Variants in ZFHX4 observed in about 807,000 individuals in gnomAD.
ZFHX4 encodes zinc finger homeobox 4, also known as zinc finger homeobox protein 4.
ZFHX4 carries 56 observed loss-of-function variants against 267.6 expected under a neutral mutation model. The observed-to-expected ratio is 0.21, with a 90% CI of 0.17 to 0.26. The LOEUF (loss-of-function observed/expected upper bound fraction) is 0.26, where lower values mean the gene tolerates loss of function less well. ZFHX4 is among the 10% of genes least tolerant of loss of function. ZFHX4 has a pLI of 1.00. For missense variants in ZFHX4, 4,332 were observed against 4,420.0 expected (o/e 0.98, Z 0.56); for synonymous variants, 1,778 against 1,665.6 (o/e 1.07, Z -1.64).
rs1206677926 is a variant in ZFHX4, at chr8:76,863,581, T to G, written c.9867T>G (p.Pro3289=). 1 of 1,613,770 alleles carries G rather than the reference T, an allele frequency of 6.2e-7. No individual in the cohort carries two copies. The highest frequency in any genetic ancestry group is 8.5e-7 in the Non-Finnish European group (1 of 1,179,846). Residue 3289 remains proline (P), a synonymous_variant, in exon 11 of 11, where the codon CCT becomes CCG. Transcript: ENST00000651372. ...CAGTGCAGGGGGGATACTTCCCACC[T>G]GTCTGTGGCATGGAGAGCCTCTTTC... is the stretch of plus-strand genomic sequence containing the variant. The part of the protein sequence containing the change: ...PGTVQGGYFP[P]VCGMESLFPY...
At chr8:76,844,745 TA>T (rs1265943616) in intron 6 of ZFHX4, among the ~76,000 whole-genome samples, 1 of 152,082 alleles carries the variant, frequency 6.6e-6, no homozygotes, top group Non-Finnish European at 1.5e-5. Flanking sequence ...TCTGTAGGGA[TA>T]AAAAATAAGC....
At chr8:76,691,023 C>T (rs1453567236) in intron 1 of ZFHX4, among the ~76,000 whole-genome samples, 1 of 151,984 alleles carries the variant, frequency 6.6e-6, no homozygotes, top group East Asian at 1.9e-4. Flanking sequence ...GATTACCCAG[C>T]AAGGCAGGAA....
intron 5 of ZFHX4, among the ~76,000 whole-genome samples, chr8:76,842,321 T>A (rs1381129270): frequency 6.6e-6 from 1 of 152,204 alleles, no homozygotes; most frequent in Non-Finnish European, 1.5e-5. Flanking sequence ...AGGTTTATGT[T>A]GTTACAAGGT....
rs371910142 is a variant in ZFHX4, at chr8:76,855,509, A to G, written c.8588A>G (p.Lys2863Arg). 217 of 1,613,664 alleles carry G rather than the reference A, an allele frequency of 1.3e-4. No individual in the cohort carries two copies. The highest frequency in any genetic ancestry group is 1.8e-4 in the Admixed American group (11 of 59,982). Residue 2863 changes from lysine to arginine, a missense_variant, in exon 10 of 11, where the codon AAA becomes AGA. Physicochemically the swap from Lys to Arg is conservative, Grantham distance 26. This residue lies in a region of ZFHX4 where 1,648 missense variants were observed against 1,625.0 expected (regional missense o/e 1.01). Coordinates refer to ENST00000651372, the MANE Select transcript of ZFHX4 (RefSeq NM_024721.5). ...CCTACCACGGAGGTCTGCGATGACA[A>G]ATTTCTCTTTTCTCTCACAAGCCCA... ...TTPTTEVCDD[K>R]FLFSLTSPSI... is the part of the protein sequence containing the mutation.
intron 5 of ZFHX4, among the ~76,000 whole-genome samples, chr8:76,835,243 A>ATATATATACATATATG (rs1812053741): frequency 9.7e-6 from 1 of 102,742 alleles, no homozygotes; most frequent in African/African-American, 4.4e-5. Context: ...ATATATATGT[A>ATATATATACATATATG]TATATATATA....
intron 4 of ZFHX4, among the ~76,000 whole-genome samples, chr8:76,784,513 C>G (rs1810636048): frequency 6.6e-6 from 1 of 151,918 alleles, no homozygotes; most frequent in South Asian, 2.1e-4. Flanking sequence ...GGGTGATGTG[C>G]TAATGTGTGG....
At position 76,855,710 on chromosome 8, in the gene ZFHX4, A is replaced by G. The variant is rs1253594402; in HGVS notation, c.8789A>G (p.Lys2930Arg). The G allele has an allele frequency of 1.2e-6, 2 of 1,613,786 alleles. No homozygotes were observed. The highest frequency in any genetic ancestry group is 1.3e-5 in the African/African-American group (1 of 74,908). Residue 2930 changes from lysine to arginine, a missense_variant, in exon 10 of 11, where the codon AAG becomes AGG. Physicochemically the swap from Lys to Arg is conservative, Grantham distance 26 (BLOSUM62 2). This residue lies in a region of ZFHX4 where 1,648 missense variants were observed against 1,625.0 expected (regional missense o/e 1.01). Transcript: ENST00000651372. ...AAAAGTAATGATCGGCCGGGTCACA[A>G]GCGTTTTCGAACGCAAATGAGCAAT... The part of the protein sequence containing the change: ...KSKSNDRPGH[K>R]RFRTQMSNLQ...
intron 4 of ZFHX4, among the ~76,000 whole-genome samples, chr8:76,789,866 T>C (rs1236517236): frequency 6.6e-6 from 1 of 152,156 alleles, no homozygotes; most frequent in Non-Finnish European, 1.5e-5. Context: ...TTTTCAGATA[T>C]GAATGCACGA....
rs747307905 is a variant in ZFHX4, at chr8:76,850,953, G to A, written c.4032G>A (p.Lys1344=). The A allele has an allele frequency of 1.2e-6, 2 of 1,613,540 alleles. No homozygotes were observed. The highest frequency in any genetic ancestry group is 2.2e-5 in the East Asian group (1 of 44,812). The change falls in exon 10 of 11, where the codon AAG becomes AAA. Residue 1344 remains lysine, a synonymous_variant. Coordinates refer to ENST00000651372, the MANE Select transcript of ZFHX4 (RefSeq NM_024721.5). ...ATTCAAAGGCTAATGTGGAAGTAAA[G>A]AATGAGGAGCAGAAACCGACTAAAG... ...LEDSKANVEV[K]NEEQKPTKEP...
In ZFHX4 at chr8:76,854,403, A is replaced by T; in HGVS notation, c.7482A>T (p.Gln2494His). 6.2e-7 allele frequency: 1 copy of T among 1,613,950 alleles called. No homozygotes were observed. The highest frequency in any genetic ancestry group is 2.2e-5 in the East Asian group (1 of 44,878). The change falls in exon 10 of 11, where the codon CAA (glutamine) becomes CAT (histidine). Residue 2494 changes from glutamine (Q) to histidine (H), a missense_variant. Physicochemically the swap from Gln to His is conservative, Grantham distance 24. Around this residue, in one of 7 missense-constraint regions of ZFHX4, gnomAD observed 1,648 missense variants for 1,625.0 expected, o/e 1.01. Coordinates refer to ENST00000651372, the MANE Select transcript of ZFHX4 (RefSeq NM_024721.5). Reference protein sequence around the residue: ...NSLPPQLLQYQCDQCTVAFPT... With the variant: ...NSLPPQLLQYHCDQCTVAFPT... Reference sequence around the variant, plus strand: ...TACCTCCACAGTTACTACAATACCAATGTGATCAGTGTACAGTTGCCTTCC... The same window carrying T: ...TACCTCCACAGTTACTACAATACCATTGTGATCAGTGTACAGTTGCCTTCC...
chr8:76,823,320 A>AT (rs1200688026), intron 4 of ZFHX4, among the ~76,000 whole-genome samples: 3 of 152,126 alleles, frequency 2.0e-5, no homozygotes, highest in African/African-American at 4.8e-5. Context: ...CTCAGAAGCC[A>AT]TTTTTTCTGC....
In ZFHX4 at chr8:76,851,471, C is replaced by A; in HGVS notation, c.4550C>A (p.Pro1517Gln). 1 of 1,613,862 alleles carries A rather than the reference C, an allele frequency of 6.2e-7. No individual in the cohort carries two copies. The highest frequency in any genetic ancestry group is 1.3e-5 in the African/African-American group (1 of 75,016). ...ATTCCAGATGACATGGGCTCTGAACCAAAGCGGACCTTACCTTTTAGAAAA... is the reference window on the plus strand; with the variant it reads ...ATTCCAGATGACATGGGCTCTGAACAAAAGCGGACCTTACCTTTTAGAAAA... ...SSIPDDMGSE[P>Q]KRTLPFRKGP... The change falls in exon 10 of 11, where the codon CCA becomes CAA. Residue 1517 changes from proline to glutamine, a missense_variant. Transcript: ENST00000651372.
At chr8:76,695,705 C>CT (rs1196024024) in intron 1 of ZFHX4, among the ~76,000 whole-genome samples, 2 of 152,158 alleles carry the variant, frequency 1.3e-5, no homozygotes, top group Admixed American at 6.5e-5. Flanking sequence ...CCCATACAAT[C>CT]TTTTCTTGTT....
chr8:76,862,313 A>G (rs1388125623), intron 10 of ZFHX4, among the ~76,000 whole-genome samples: 1 of 152,208 alleles, frequency 6.6e-6, no homozygotes, highest in Non-Finnish European at 1.5e-5. Flanking sequence ...ATGTTTGCGT[A>G]CTACAAGCAA....
At chr8:76,777,998 T>G (rs1810444611) in intron 3 of ZFHX4, among the ~76,000 whole-genome samples, 1 of 152,116 alleles carries the variant, frequency 6.6e-6, no homozygotes, top group African/African-American at 2.4e-5. Flanking sequence ...GCTGGCGTGC[T>G]GCTTTCCATC....
chr8:76,818,977 G>A (rs889856469), intron 4 of ZFHX4, among the ~76,000 whole-genome samples: 3 of 151,888 alleles, frequency 2.0e-5, no homozygotes, highest in Admixed American at 1.3e-4. Flanking sequence ...TGAAGGAGGA[G>A]CCAAGGGTCC....
At chr8:76,687,244 T>G (rs1807714558) in intron 1 of ZFHX4, among the ~76,000 whole-genome samples, 2 of 152,226 alleles carry the variant, frequency 1.3e-5, no homozygotes. Flanking sequence ...GGTTTAATTG[T>G]GCTGACTAAT....
chr8:76,717,252 C>A lies in ZFHX4; in HGVS notation c.3093+9204C>A, dbSNP rs572296610. Among the ~76,000 whole-genome samples the A allele has an allele frequency of 2.0e-5, 3 of 152,250 alleles. No homozygotes were observed. In the South Asian group the frequency reaches 6.2e-4, roughly 32 times the overall value. On this transcript the variant is annotated intron_variant, in intron 3 of 10. Transcript: ENST00000651372. ...ACTTTGATCCATTTTAGTTACAAGA[C>A]TCGAGGGATTTTCTCTCCATCATAT...
intron 4 of ZFHX4, among the ~76,000 whole-genome samples, chr8:76,786,672 A>T (rs1810700081): frequency 6.6e-6 from 1 of 152,182 alleles, no homozygotes; most frequent in African/African-American, 2.4e-5. Context: ...CTCCCTAGCT[A>T]AGTTTTTATG....
Sources: gnomAD v4.1 joint callset for allele counts (sites outside exome capture counted in the v4.1 genomes callset) on GRCh38, gnomAD v4.1.1 for gene constraint, gnomAD v4.1.1 regional missense constraint, MANE v1.5 for transcripts, NCBI Gene and HGNC (gene_info 2026-07-23, HGNC 2026-07-21) for gene names.